Variants in ARHGAP15 observed in about 807,000 individuals in gnomAD.
ARHGAP15 encodes the protein Rho GTPase activating protein 15, also known as rho GTPase-activating protein 15.
A neutral mutation model predicts 63.7 loss-of-function variants in ARHGAP15; 51 were observed. That is an observed-to-expected ratio of 0.80 (90% CI 0.64 to 1.01). The LOEUF is 1.01. Ranked by LOEUF, ARHGAP15 falls within the 50% of genes least tolerant of loss-of-function variation. The pLI is 0.00. For synonymous variants in ARHGAP15, 191 were observed against 193.8 expected (o/e 0.99, Z 0.12); for missense variants, 560 against 564.6 (o/e 0.99, Z 0.08).
At chr2:143,673,297 C>T (rs1682624983) in intron 12 of ARHGAP15, among the ~76,000 whole-genome samples, 1 of 152,002 alleles carries the variant, frequency 6.6e-6, no homozygotes, top group Non-Finnish European at 1.5e-5. Flanking sequence ...CGTTTATGGG[C>T]ATAACACAAT....
intron 13 of ARHGAP15, among the ~76,000 whole-genome samples, chr2:143,763,658 A>G (rs558950326): frequency 1.3e-5 from 2 of 148,684 alleles, no homozygotes; most frequent in African/African-American, 5.0e-5. Context: ...TTGCATATAT[A>G]TAAATTGCAT....
chr2:143,523,682 A>C (rs1026013334), intron 10 of ARHGAP15, among the ~76,000 whole-genome samples: 2 of 152,138 alleles, frequency 1.3e-5, no homozygotes, highest in Admixed American at 6.5e-5. Context: ...GAATAACATT[A>C]ATTTTTTTAA....
At chr2:143,542,164 G>A (rs1164045493) in intron 10 of ARHGAP15, among the ~76,000 whole-genome samples, 2 of 152,218 alleles carry the variant, frequency 1.3e-5, no homozygotes, top group Non-Finnish European at 2.9e-5. Context: ...GTGGGCGTAG[G>A]ACCCTCCGAG....
intron 9 of ARHGAP15, among the ~76,000 whole-genome samples, chr2:143,499,554 G>C (rs1274090467): frequency 6.6e-6 from 1 of 152,116 alleles, no homozygotes; most frequent in Non-Finnish European, 1.5e-5. Context: ...GGAATATTCA[G>C]GAGCCTAGAG....
At chr2:143,266,593 T>A (rs62170381) in intron 6 of ARHGAP15, among the ~76,000 whole-genome samples, 33,602 of 152,096 alleles carry the variant, frequency 0.22, 3,974 homozygotes, top group South Asian at 0.35. Flanking sequence ...AGTTTACTTA[T>A]TAAAAATGAA....
chr2:143,262,551 T>TTTTTTTTTTTTTTTTTTTTTC (rs1680778392), intron 6 of ARHGAP15, among the ~76,000 whole-genome samples: 1 of 148,588 alleles, frequency 6.7e-6, no homozygotes, highest in African/African-American at 2.5e-5. Flanking sequence ...TTTTTTTTTT[T>TTTTTTTTTTTTTTTTTTTTTC]TTTTTTTTAC....
At chr2:143,456,849 T>C (rs1690681259) in intron 8 of ARHGAP15, among the ~76,000 whole-genome samples, 1 of 152,002 alleles carries the variant, frequency 6.6e-6, no homozygotes, top group East Asian at 1.9e-4. Context: ...GACAGATTTG[T>C]GCAGATATAA....
At chr2:143,676,282 G>A (rs1334128649) in intron 12 of ARHGAP15, 1 of 152,230 alleles carries the variant, frequency 6.6e-6, no homozygotes, top group Non-Finnish European at 1.5e-5. Context: ...TCATCAAGAA[G>A]TCTGTTTTGC....
At chr2:143,295,963 G>T (rs1314121645) in intron 6 of ARHGAP15, among the ~76,000 whole-genome samples, 1 of 151,976 alleles carries the variant, frequency 6.6e-6, no homozygotes, top group Non-Finnish European at 1.5e-5. Flanking sequence ...TAAGAAATGT[G>T]CCTCGCTGTC....
chr2:143,701,360 A>C (rs184090388), intron 12 of ARHGAP15, among the ~76,000 whole-genome samples: 1 of 152,314 alleles, frequency 6.6e-6, no homozygotes, highest in East Asian at 1.9e-4. Context: ...ACATCTTATT[A>C]TTAAGAACTG....
intron 13 of ARHGAP15, among the ~76,000 whole-genome samples, chr2:143,760,754 T>C (rs547213928): frequency 3.9e-5 from 6 of 152,270 alleles, no homozygotes; most frequent in Admixed American, 1.3e-4. Flanking sequence ...ACTTTAAAGC[T>C]AATTTTTTGC....
chr2:143,333,393 G>A (rs1462935495), intron 6 of ARHGAP15, among the ~76,000 whole-genome samples: 1 of 152,092 alleles, frequency 6.6e-6, no homozygotes, highest in Non-Finnish European at 1.5e-5. Context: ...TAACTCATTC[G>A]AGCCCTTCTT....
At position 143,153,840 on chromosome 2, in the gene ARHGAP15, T is replaced by TTCTTCTTCTTCC. The variant is rs1558779595; in HGVS notation, c.-14-1632_-14-1631insTTCTTCCTCTTC. 2.3e-3 allele frequency among the ~76,000 whole-genome samples: 184 copies of TTCTTCTTCTTCC among 78,378 alleles called. 9 individuals are homozygous for TTCTTCTTCTTCC. The highest frequency in any genetic ancestry group is 0.013 in the South Asian group (25 of 1,864). 51.4% of individuals were successfully genotyped at this position (78,378 alleles called of 152,430 possible). A position where few individuals can be genotyped will look rare whatever the true frequency, so the allele number is the denominator to read the frequency against. On this transcript the variant is annotated intron_variant, in intron 1 of 13. Transcript: ENST00000295095. ...CTTCTTCTTCTTCTTCTTCTTCTTC[T>TTCTTCTTCTTCC]TCTTCCTCCTCCTCCTCCTCCTCCT...
chr2:143,455,521 A>T (rs1176634071), intron 8 of ARHGAP15, among the ~76,000 whole-genome samples: 2 of 152,108 alleles, frequency 1.3e-5, no homozygotes, highest in African/African-American at 4.8e-5. Context: ...CCCAGCCGCT[A>T]TTCAAGATGG....
At chr2:143,184,485 C>T (rs1321286553) in intron 2 of ARHGAP15, among the ~76,000 whole-genome samples, 1 of 151,952 alleles carries the variant, frequency 6.6e-6, no homozygotes, top group Non-Finnish European at 1.5e-5. Context: ...CTTATGTGGC[C>T]TCAAGGAAAC....
chr2:143,528,852 T>C (rs1454243829), intron 10 of ARHGAP15, among the ~76,000 whole-genome samples: 2 of 152,152 alleles, frequency 1.3e-5, no homozygotes, highest in Admixed American at 6.6e-5. Context: ...TATTTGATAT[T>C]ACATAGTCTA....
Position 143,135,730 on chromosome 2 carries a change from A to G in ARHGAP15, c.-15+6264A>G, listed in dbSNP as rs143416231. Among the ~76,000 whole-genome samples, 921 of 152,156 alleles carry G rather than the reference A, an allele frequency of 6.1e-3. 5 individuals are homozygous for G. Among genetic ancestry groups the G allele is most frequent in the Middle Eastern group, 0.014 (4 of 294 alleles). On this transcript the variant is annotated intron_variant, in intron 1 of 13. Coordinates refer to ENST00000295095, the MANE Select transcript of ARHGAP15 (RefSeq NM_018460.4). ...GACTTCTGGAATACTTTTTTCTTCC[A>G]GTTTTCCTCCAAACTACCTGAATGC...
At chr2:143,597,261 T>C (rs1697556861) in intron 11 of ARHGAP15, among the ~76,000 whole-genome samples, 1 of 152,012 alleles carries the variant, frequency 6.6e-6, no homozygotes, top group South Asian at 2.1e-4. Context: ...CAAAATATTA[T>C]AATAAAGAAA....
At chr2:143,359,402 C>G (rs1005394615) in intron 6 of ARHGAP15, among the ~76,000 whole-genome samples, 1 of 152,162 alleles carries the variant, frequency 6.6e-6, no homozygotes, top group South Asian at 2.1e-4. Context: ...CAACACCTTT[C>G]ATAATTTCCC....
Sources: allele counts gnomAD v4.1 joint callset (sites outside exome capture counted in the v4.1 genomes callset), GRCh38; gene constraint gnomAD v4.1.1; transcripts MANE v1.5; gene names NCBI Gene and HGNC (gene_info 2026-07-23, HGNC 2026-07-21).